POLR1A: variants seen among roughly 807,000 people sequenced by gnomAD.
POLR1A encodes DNA-directed RNA polymerase I subunit RPA1.
In POLR1A, 84 loss-of-function variants were observed where a neutral mutation model predicts 205.3. The observed-to-expected ratio is 0.41, with a 90% CI of 0.34 to 0.49. The LOEUF is 0.49. Ranked by LOEUF, POLR1A falls within the 20% of genes least tolerant of loss-of-function variation. The probability of loss-of-function intolerance (pLI) is 0.22; values close to 1 mark genes in which losing one functional copy is unlikely to be tolerated. For missense variants in POLR1A, 1,645 were observed against 2,204.5 expected, an observed-to-expected ratio of 0.75 and a Z score of 5.08; for synonymous variants, 799 against 863.7, an observed-to-expected ratio of 0.93 and a Z score of 1.31.
chr2:86,062,981 C>T (rs1558773609), intron 14 of POLR1A, among the ~76,000 whole-genome samples: 9 of 152,104 alleles, frequency 5.9e-5, no homozygotes. Flanking sequence ...AAAGCTCATT[C>T]AAGAAGTAGA....
intron 27 of POLR1A, among the ~76,000 whole-genome samples, chr2:86,037,719 A>G (rs1384491275): frequency 6.6e-6 from 1 of 152,274 alleles, no homozygotes; most frequent in Non-Finnish European, 1.5e-5. Context: ...TTTTAAAAAC[A>G]CATGAATTAG....
At chr2:86,039,839 G>A (rs1330318724) in intron 25 of POLR1A, among the ~76,000 whole-genome samples, 2 of 152,224 alleles carry the variant, frequency 1.3e-5, no homozygotes, top group Non-Finnish European at 2.9e-5. Flanking sequence ...TGGATGTATA[G>A]TGGGTCCCAG....
At chr2:86,094,871 T>C (rs1005516130) in intron 3 of POLR1A, among the ~76,000 whole-genome samples, 11 of 152,086 alleles carry the variant, frequency 7.2e-5, no homozygotes, top group African/African-American at 1.7e-4. Context: ...CTCACCCAAA[T>C]TGGGCTCAAG....
rs770471923 is a variant in POLR1A, at chr2:86,075,111, C to G, written c.1530G>C (p.Val510=). 4.3e-6 allele frequency: 7 copies of G among 1,613,212 alleles called. No individual in the cohort carries two copies. The South Asian group carries it at 6.6e-5, about 15-fold the overall frequency. Residue 510 remains valine (V), a synonymous_variant, in exon 12 of 34, where the codon GTG becomes GTC. Transcript: ENST00000263857. ...EDGSRTALSA[V]DMTQREAVAK... is the part of the protein sequence containing the mutation. ...CCACGGCCTCTCGCTGGGTCATGTCCACAGCGCTCAGGGCTGTGCGGCTGC... is the reference window on the plus strand; with the variant it reads ...CCACGGCCTCTCGCTGGGTCATGTCGACAGCGCTCAGGGCTGTGCGGCTGC...
At chr2:86,090,891 G>A (rs144686246) in intron 3 of POLR1A, among the ~76,000 whole-genome samples, 5 of 152,302 alleles carry the variant, frequency 3.3e-5, no homozygotes, top group South Asian at 2.1e-4. Context: ...GCTGCAGTGC[G>A]CTATGATCGT....
intron 12 of POLR1A, 22 bp downstream of exon 12, chr2:86,075,008 G>A (rs1302871360): frequency 6.5e-7 from 1 of 1,544,642 alleles, no homozygotes; most frequent in African/African-American, 1.4e-5. Context: ...ATGGGTCCCT[G>A]ACCAAAGCTG....
chr2:86,088,688 G>A lies in POLR1A; in HGVS notation c.627-19C>T, dbSNP rs760631743. The A allele has an allele frequency of 6.2e-7, 1 of 1,608,152 alleles. No homozygotes were observed. Among genetic ancestry groups the A allele is most frequent in the Non-Finnish European group, 8.5e-7 (1 of 1,174,542 alleles). ...CCCGGTCCTGTGCAGGAGGACAGTT[G>A]TGATTGAAGAGAGAAAAAACCCAGT... On this transcript the variant is annotated intron_variant, in intron 5 of 33. Coordinates refer to ENST00000263857, the MANE Select transcript of POLR1A (RefSeq NM_015425.6).
In POLR1A at chr2:86,027,474, C is replaced by A. The variant is rs868256073; in HGVS notation, c.5112G>T (p.Lys1704Asn). 7 of 1,614,100 alleles carry A rather than the reference C, an allele frequency of 4.3e-6. No individual in the cohort carries two copies. In the African/African-American group the frequency reaches 9.3e-5, roughly 22 times the overall value. The part of the protein sequence containing the change: ...RSPSACLVVG[K>N]VVRGGTGLFE... ...ACAGGCCTGTCCCGCCCCTGACGAC[C>A]TTCCCGACCACAAGGCAGGCAGAAG... The change falls in exon 34 of 34, where the codon AAG becomes AAT. Residue 1704 changes from lysine (K) to asparagine (N), a missense_variant. By Grantham distance (94) the Lys-to-Asn change is moderately conservative. Coordinates refer to ENST00000263857, the MANE Select transcript of POLR1A (RefSeq NM_015425.6).
chr2:86,085,426 T>C (rs529906082), intron 6 of POLR1A, among the ~76,000 whole-genome samples: 1 of 152,292 alleles, frequency 6.6e-6, no homozygotes, highest in East Asian at 1.9e-4. Context: ...GAAGCATGGG[T>C]ATGCAATGAA....
At chr2:86,034,574 C>G (rs888727804) in intron 27 of POLR1A, among the ~76,000 whole-genome samples, 1 of 152,136 alleles carries the variant, frequency 6.6e-6, no homozygotes, top group Non-Finnish European at 1.5e-5. Flanking sequence ...CACTTCTTTC[C>G]TCATGTAACC....
intron 21 of POLR1A, among the ~76,000 whole-genome samples, chr2:86,044,927 A>G (rs559013052): frequency 6.6e-6 from 1 of 152,022 alleles, no homozygotes; most frequent in Non-Finnish European, 1.5e-5. Context: ...CTCCACCCCA[A>G]GCTGTGGGGA....
At chr2:86,044,054 G>T in intron 22 of POLR1A, 85 bp downstream of exon 22, 2 of 1,357,566 alleles carry the variant, frequency 1.5e-6, no homozygotes, top group Non-Finnish European at 2.1e-6. Flanking sequence ...GGACTGGGTT[G>T]CAAAGCTCAG....
chr2:86,037,548 T>C (rs1439661822), intron 27 of POLR1A, among the ~76,000 whole-genome samples: 1 of 152,246 alleles, frequency 6.6e-6, no homozygotes, highest in Non-Finnish European at 1.5e-5. Flanking sequence ...TATGTGTTTG[T>C]GGGATGGCTG....
chr2:86,100,505 C>T (rs921162246), intron 1 of POLR1A, among the ~76,000 whole-genome samples: 9 of 151,528 alleles, frequency 5.9e-5, no homozygotes, highest in African/African-American at 2.2e-4. Context: ...CTACTATACA[C>T]TGACTGCTTC....
chr2:86,091,822 A>G (rs910683281), intron 3 of POLR1A, among the ~76,000 whole-genome samples: 5 of 152,154 alleles, frequency 3.3e-5, no homozygotes, highest in African/African-American at 1.2e-4. Flanking sequence ...ATGCAATAAA[A>G]GTAGAAATAG....
In POLR1A at chr2:86,027,374, G is replaced by A. The variant is rs1271143155; in HGVS notation, c.*49C>T. 7 of 1,468,914 alleles carry A rather than the reference G, an allele frequency of 4.8e-6. No homozygotes were observed. The highest frequency in any genetic ancestry group is 4.5e-5 in the East Asian group (2 of 44,226). The allele number at this position is 1,468,914 out of a possible 1,614,324, so 91.0% of individuals were successfully genotyped here. A position where few individuals can be genotyped will look rare whatever the true frequency, so the allele number is the denominator to read the frequency against. On this transcript the variant is annotated 3_prime_UTR_variant, in exon 34 of 34. Coordinates refer to ENST00000263857, the MANE Select transcript of POLR1A (RefSeq NM_015425.6). ...TCATGCAGAAGGCAGGCTGGGCCAC[G>A]CCCTCACCAAGGGTCCTTGGAGCTG... is the stretch of plus-strand genomic sequence containing the variant.
In POLR1A at chr2:86,090,653, C is replaced by G. The variant is rs765137635; in HGVS notation, c.433-724G>C. Among the ~76,000 whole-genome samples the G allele has an allele frequency of 3.7e-4, 57 of 152,346 alleles. 1 individual carries two copies. The highest frequency in any genetic ancestry group is 2.0e-4 in the Admixed American group (3 of 15,306). On this transcript the variant is annotated intron_variant, in intron 3 of 33. Coordinates refer to ENST00000263857, the MANE Select transcript of POLR1A (RefSeq NM_015425.6). ...GGTGCTGTGCTGAAGCAGGACATCA[C>G]TTGGTATACTCATGTGCCCCAGGGA...
rs1672311203 is a variant in POLR1A at position 86,028,494 on chromosome 2, A to C, written c.4897+100T>G. On this transcript the variant is annotated intron_variant, in intron 32 of 33. Coordinates refer to ENST00000263857, the MANE Select transcript of POLR1A (RefSeq NM_015425.6). This position sits in a 1 kb window ranked among gnomAD's most constrained non-coding sequence, Gnocchi z 4.5. The stretch of plus-strand genomic sequence containing the variant: ...CAGTGCCTGCCTTAGTGCTGGACTG[A>C]CTCGGTGCTGGACCGACACGGTCCT... The C allele has an allele frequency of 4.9e-6, 4 of 814,130 alleles. No homozygotes were observed. Among genetic ancestry groups the C allele is most frequent in the Non-Finnish European group, 8.7e-6 (4 of 459,142 alleles). 50.4% of individuals were successfully genotyped at this position (814,130 alleles called of 1,614,324 possible).
chr2:86,045,464 C>T, intron 20 of POLR1A, 104 bp from the exon 21 acceptor site: 1 of 1,231,274 alleles, frequency 8.1e-7, no homozygotes, highest in Non-Finnish European at 1.2e-6. Flanking sequence ...CCAGACAGGC[C>T]ACTCCCTTCC....
Sources: gnomAD v4.1 joint callset for allele counts (sites outside exome capture counted in the v4.1 genomes callset) on GRCh38, gnomAD v4.1.1 for gene constraint, Gnocchi (gnomAD v3.1) non-coding constraint, MANE v1.5 for transcripts, NCBI Gene and HGNC (gene_info 2026-07-23, HGNC 2026-07-21) for gene names.